Variants in WWOX observed in about 807,000 individuals in gnomAD.
The protein encoded by WWOX is WW domain-containing oxidoreductase.
WWOX carries 69 observed loss-of-function variants against 46.2 expected under a neutral mutation model. The ratio of observed to expected loss-of-function variants is 1.49; its 90% CI spans 1.23 to 1.82. The LOEUF is 1.82. WWOX is among the 40% of genes most tolerant of loss of function. WWOX has a pLI of 0.00. For synonymous variants in WWOX, 359 were observed against 202.6 expected, an observed-to-expected ratio of 1.77 and a Z score of -6.56; for missense variants, 919 against 542.6, an observed-to-expected ratio of 1.69 and a Z score of -6.89.
chr16:78,894,153 C>T (rs1359875579), intron 8 of WWOX, among the ~76,000 whole-genome samples: 3 of 151,914 alleles, frequency 2.0e-5, no homozygotes, highest in African/African-American at 7.2e-5. Context: ...ATCCTCCCAC[C>T]TCAGCCTCCT....
chr16:78,453,473 G>C (rs113539989), intron 8 of WWOX, among the ~76,000 whole-genome samples: 10 of 151,914 alleles, frequency 6.6e-5, no homozygotes, highest in African/African-American at 2.2e-4. Flanking sequence ...GGTTTATAAA[G>C]ACAACATGAG....
chr16:78,969,558 A>T (rs927623990), intron 8 of WWOX, among the ~76,000 whole-genome samples: 14 of 152,152 alleles, frequency 9.2e-5, no homozygotes, highest in Admixed American at 3.3e-4. Flanking sequence ...GGTGTGAGCC[A>T]CCACACCCAG....
At chr16:78,621,600 T>C (rs2046187396) in intron 8 of WWOX, among the ~76,000 whole-genome samples, 1 of 92,260 alleles carries the variant, frequency 1.1e-5, no homozygotes, top group Non-Finnish European at 2.2e-5. Flanking sequence ...ATCTTTTTTT[T>C]TTTTTTTTTT....
At chr16:78,641,015 C>T (rs1212464293) in intron 8 of WWOX, among the ~76,000 whole-genome samples, 3 of 151,442 alleles carry the variant, frequency 2.0e-5, no homozygotes, top group Non-Finnish European at 4.4e-5. Flanking sequence ...AGGAAAGGAA[C>T]CAGCTGCAAA....
intron 8 of WWOX, among the ~76,000 whole-genome samples, chr16:78,961,126 C>G (rs1450560798): frequency 6.6e-6 from 1 of 152,120 alleles, no homozygotes; most frequent in Non-Finnish European, 1.5e-5. Context: ...AGACTCAAGC[C>G]AAGCATTCAA....
chr16:78,693,577 C>A (rs2048036141), intron 8 of WWOX, among the ~76,000 whole-genome samples: 1 of 152,082 alleles, frequency 6.6e-6, no homozygotes, highest in Non-Finnish European at 1.5e-5. Flanking sequence ...GGTGGGGGGC[C>A]CTCCTCTAGG....
At chr16:78,363,170 C>G (rs561739149) in intron 5 of WWOX, among the ~76,000 whole-genome samples, 1 of 152,082 alleles carries the variant, frequency 6.6e-6, no homozygotes, top group East Asian at 1.9e-4. Flanking sequence ...GTGTATGTGT[C>G]TGTGTGTTCA....
At chr16:78,850,486 G>A (rs750749508) in intron 8 of WWOX, among the ~76,000 whole-genome samples, 11 of 152,218 alleles carry the variant, frequency 7.2e-5, no homozygotes, top group South Asian at 2.1e-4. Context: ...TCAATAACTG[G>A]GAATTTATAC....
intron 8 of WWOX, among the ~76,000 whole-genome samples, chr16:78,786,063 C>A: frequency 6.6e-6 from 1 of 152,180 alleles, no homozygotes; most frequent in Non-Finnish European, 1.5e-5. Flanking sequence ...CCCACCACCA[C>A]GCCTGGCTAA....
intron 8 of WWOX, among the ~76,000 whole-genome samples, chr16:78,806,582 A>G (rs929415625): frequency 6.6e-6 from 1 of 152,040 alleles, no homozygotes; most frequent in Admixed American, 6.6e-5. Context: ...TGGAACACCT[A>G]CACATTGTCT....
intron 8 of WWOX, among the ~76,000 whole-genome samples, chr16:78,940,192 T>C (rs1308811199): frequency 6.6e-6 from 1 of 152,216 alleles, no homozygotes; most frequent in African/African-American, 2.4e-5. Context: ...GAATGCTGTA[T>C]TACACACATT....
chr16:78,751,690 A>G (rs1567535757), intron 8 of WWOX, among the ~76,000 whole-genome samples: 1 of 151,940 alleles, frequency 6.6e-6, no homozygotes, highest in East Asian at 1.9e-4. Flanking sequence ...GAGTTAAAAA[A>G]TACGTAGGTT....
At chr16:78,248,754 T>A (rs542314138) in intron 5 of WWOX, among the ~76,000 whole-genome samples, 13 of 151,296 alleles carry the variant, frequency 8.6e-5, no homozygotes, top group African/African-American at 3.2e-4. Flanking sequence ...AATAAATAAA[T>A]TTGACACGAA....
intron 4 of WWOX, among the ~76,000 whole-genome samples, chr16:78,117,210 G>A (rs1452595129): frequency 6.6e-6 from 1 of 152,136 alleles, no homozygotes; most frequent in East Asian, 1.9e-4. Flanking sequence ...TGTGGACACT[G>A]CAGGAGGTGT....
At chr16:78,669,323 G>A (rs931376186) in intron 8 of WWOX, among the ~76,000 whole-genome samples, 1 of 152,246 alleles carries the variant, frequency 6.6e-6, no homozygotes, top group African/African-American at 2.4e-5. Flanking sequence ...AAACAAAGTT[G>A]CAAGGGAGTC....
At chr16:78,506,568 C>A (rs890418182) in intron 8 of WWOX, 1 of 152,138 alleles carries the variant, frequency 6.6e-6, no homozygotes, top group Admixed American at 6.6e-5. Context: ...ACAGAATCCC[C>A]TAAGTGGGAA....
chr16:79,045,568 AG>A (rs2048048942), intron 8 of WWOX, among the ~76,000 whole-genome samples: 1 of 152,178 alleles, frequency 6.6e-6, no homozygotes, highest in African/African-American at 2.4e-5. Context: ...ACACGGAGGC[AG>A]AATTTAAAGC....
intron 8 of WWOX, among the ~76,000 whole-genome samples, chr16:79,121,032 G>T: frequency 6.6e-6 from 1 of 152,130 alleles, no homozygotes; most frequent in Non-Finnish European, 1.5e-5. Context: ...GCCTCCCAAA[G>T]TGCTGGGATT....
At chr16:78,515,961 C>G (rs2043226342) in intron 8 of WWOX, among the ~76,000 whole-genome samples, 1 of 152,132 alleles carries the variant, frequency 6.6e-6, no homozygotes, top group African/African-American at 2.4e-5. Context: ...ATCAGTCAAT[C>G]AATCAGTCTC....
Sources: allele counts gnomAD v4.1 joint callset (sites outside exome capture counted in the v4.1 genomes callset), GRCh38; gene constraint gnomAD v4.1.1; transcripts MANE v1.5; gene names NCBI Gene and HGNC (gene_info 2026-07-23, HGNC 2026-07-21).